The following KLF12 variants were observed in gnomAD, a reference collection of about 807,000 sequenced individuals.
The protein encoded by KLF12 is Krueppel-like factor 12.
KLF12 carries 9 observed loss-of-function variants against 37.8 expected under a neutral mutation model. That is an observed-to-expected ratio of 0.24 (90% CI 0.14 to 0.42). The LOEUF is 0.42. KLF12 is among the 10% of genes least tolerant of loss of function. The pLI, the probability that KLF12 is intolerant of heterozygous loss-of-function variation, is 1.00. For missense variants in KLF12, 411 were observed against 516.0 expected, an observed-to-expected ratio of 0.80 and a Z score of 1.97; for synonymous variants, 208 against 202.1, an observed-to-expected ratio of 1.03 and a Z score of -0.25.
At chr13:74,227,550 C>T in the KLF12 span, among the ~76,000 whole-genome samples, 1 of 151,954 alleles carries the variant, frequency 6.6e-6, no homozygotes, top group Non-Finnish European at 1.5e-5. Context: ...ATTCCTTGGC[C>T]AAAGTTTTTT....
chr13:73,718,200 T>A (rs1357334034), intron 6 of KLF12, among the ~76,000 whole-genome samples: 1 of 152,080 alleles, frequency 6.6e-6, no homozygotes, highest in African/African-American at 2.4e-5. Context: ...GCTATCTGTA[T>A]ATAAGGAGAA....
chr13:73,950,190 T>C lies in KLF12; in HGVS notation c.34-6120A>G, dbSNP rs190663838. The stretch of plus-strand genomic sequence containing the variant: ...CAACAATGTGCAGTTTATACTAATA[T>C]TTTAAAAAATATTTCCTATTAGTGA... On this transcript the variant is annotated intron_variant, in intron 2 of 7. Coordinates refer to ENST00000377669, the MANE Select transcript of KLF12 (RefSeq NM_007249.5). 1.7e-3 allele frequency among the ~76,000 whole-genome samples: 264 copies of C among 152,310 alleles called. 2 individuals carry two copies. Among genetic ancestry groups the C allele is most frequent in the African/African-American group, 5.9e-3 (244 of 41,556 alleles).
intron 6 of KLF12, among the ~76,000 whole-genome samples, chr13:73,752,022 CAG>C (rs1373230636): frequency 6.6e-6 from 1 of 152,106 alleles, no homozygotes; most frequent in Non-Finnish European, 1.5e-5. Flanking sequence ...CTTTTTGAGA[CAG>C]AGTGTCACTC....
chr13:73,748,588 C>G (rs1436067992), intron 6 of KLF12, among the ~76,000 whole-genome samples: 1 of 152,278 alleles, frequency 6.6e-6, no homozygotes, highest in Non-Finnish European at 1.5e-5. Flanking sequence ...TCCCCGGGAA[C>G]TGAATCACCA....
chr13:74,002,903 G>C lies in KLF12; in HGVS notation c.-31-7850C>G, dbSNP rs534897284. Among the ~76,000 whole-genome samples the C allele has an allele frequency of 6.6e-5, 10 of 152,268 alleles. No individual in the cohort carries two copies. In the East Asian group the frequency reaches 1.9e-3, roughly 29 times the overall value. ...AATACTCCATGGAACCTGACACACA[G>C]AAGCTCACAGTCAACAAAGGTGGGC... is the stretch of plus-strand genomic sequence containing the variant. On this transcript the variant is annotated intron_variant, in intron 1 of 7. Coordinates refer to ENST00000377669, the MANE Select transcript of KLF12 (RefSeq NM_007249.5).
chr13:74,260,556 A>AAAT, the KLF12 span, among the ~76,000 whole-genome samples: 7 of 91,344 alleles, frequency 7.7e-5, no homozygotes, highest in African/African-American at 6.0e-4. Flanking sequence ...ACTGTTTCTA[A>AAAT]AATAAAATAA....
intron 2 of KLF12, among the ~76,000 whole-genome samples, chr13:73,989,923 T>TA (rs1042298788): frequency 2.6e-5 from 4 of 150,970 alleles, no homozygotes; most frequent in African/African-American, 9.7e-5. Context: ...AAAGTTTCTT[T>TA]AAAAAAAAAG....
the KLF12 span, among the ~76,000 whole-genome samples, chr13:74,299,625 C>T: frequency 1.3e-5 from 2 of 152,088 alleles, no homozygotes; most frequent in African/African-American, 2.4e-5. Flanking sequence ...ATAAACTTTC[C>T]TAGCGTTAAG....
chr13:73,980,824 G>GT (rs1189251096), intron 2 of KLF12, among the ~76,000 whole-genome samples: 1 of 152,174 alleles, frequency 6.6e-6, no homozygotes, highest in African/African-American at 2.4e-5. Flanking sequence ...CCCACAGTTA[G>GT]TACGGACGTG....
chr13:73,734,655 T>C (rs1877320050), intron 6 of KLF12, among the ~76,000 whole-genome samples: 1 of 152,146 alleles, frequency 6.6e-6, no homozygotes, highest in South Asian at 2.1e-4. Context: ...CTATTATCTA[T>C]TGGTCAGTTA....
chr13:74,093,428 C>T (rs1875791270), intron 1 of KLF12, among the ~76,000 whole-genome samples: 1 of 152,132 alleles, frequency 6.6e-6, no homozygotes, highest in African/African-American at 2.4e-5. Flanking sequence ...ATATTTCCAA[C>T]ATTGTGAGCA....
At chr13:74,098,471 T>C (rs1876110992) in intron 1 of KLF12, among the ~76,000 whole-genome samples, 1 of 152,208 alleles carries the variant, frequency 6.6e-6, no homozygotes, top group Non-Finnish European at 1.5e-5. Flanking sequence ...TCATTCAGGT[T>C]CCTACCTCTA....
intron 1 of KLF12, among the ~76,000 whole-genome samples, chr13:74,127,019 T>C (rs745466383): frequency 3.3e-5 from 5 of 152,232 alleles, no homozygotes; most frequent in Admixed American, 6.5e-5. Context: ...TTGTTGTTAC[T>C]GTTGTTTTAG....
In KLF12 at chr13:73,897,706, T is replaced by C. The variant is rs781315833; in HGVS notation, c.123+46275A>G. ...ATATATCACACCTGGATTAATGCAATAGCTTCTTAACTGATCTTCCAGGAT... is the reference window on the plus strand; with the variant it reads ...ATATATCACACCTGGATTAATGCAACAGCTTCTTAACTGATCTTCCAGGAT... On this transcript the variant is annotated intron_variant, in intron 3 of 7. Transcript: ENST00000377669. Among the ~76,000 whole-genome samples, 3 of 152,220 alleles carry C rather than the reference T, an allele frequency of 2.0e-5. No homozygotes were observed. In the South Asian group the frequency reaches 6.2e-4, roughly 31 times the overall value.
chr13:73,982,582 T>C (rs1009642749), intron 2 of KLF12, among the ~76,000 whole-genome samples: 4 of 152,256 alleles, frequency 2.6e-5, no homozygotes, highest in African/African-American at 9.6e-5. Flanking sequence ...AGATGCCTTA[T>C]TATAAAATTG....
the KLF12 span, among the ~76,000 whole-genome samples, chr13:74,239,304 G>C: frequency 6.6e-6 from 1 of 151,388 alleles, no homozygotes; most frequent in Non-Finnish European, 1.5e-5. Flanking sequence ...TGGTCTGAGA[G>C]ATAGTTTGTT....
chr13:73,894,006 C>G (rs1887637273), intron 3 of KLF12, among the ~76,000 whole-genome samples: 1 of 152,148 alleles, frequency 6.6e-6, no homozygotes, highest in Non-Finnish European at 1.5e-5. Flanking sequence ...CTCTTAGGAG[C>G]TGGCTAACGA....
the KLF12 span, among the ~76,000 whole-genome samples, chr13:74,178,734 G>C: frequency 6.6e-6 from 1 of 152,122 alleles, no homozygotes; most frequent in Non-Finnish European, 1.5e-5. Context: ...GCTTCTCTAT[G>C]GACCCCAATC....
chr13:74,265,342 A>G, the KLF12 span, among the ~76,000 whole-genome samples: 2 of 152,156 alleles, frequency 1.3e-5, no homozygotes, highest in Admixed American at 6.5e-5. Context: ...TAGATATTTA[A>G]CACTGATTTA....
Sources: allele counts gnomAD v4.1 joint callset (sites outside exome capture counted in the v4.1 genomes callset), GRCh38; gene constraint gnomAD v4.1.1; transcripts MANE v1.5; gene names NCBI Gene and HGNC (gene_info 2026-07-23, HGNC 2026-07-21).